LMNTD1: variants seen among roughly 807,000 people sequenced by gnomAD.
LMNTD1 encodes lamin tail domain-containing protein 1.
Under a neutral mutation model 50.9 loss-of-function variants are expected in LMNTD1, and 35 were observed. That is an observed-to-expected ratio of 0.69 (90% CI 0.53 to 0.91). The LOEUF (loss-of-function observed/expected upper bound fraction) is 0.91, where lower values mean the gene tolerates loss of function less well. Ranked by LOEUF, LMNTD1 falls within the 40% of genes least tolerant of loss-of-function variation. The probability of loss-of-function intolerance (pLI) is 0.00; values close to 1 mark genes in which losing one functional copy is unlikely to be tolerated. For missense variants in LMNTD1, 470 were observed against 475.5 expected, an observed-to-expected ratio of 0.99 and a Z score of 0.11; for synonymous variants, 153 against 161.9, an observed-to-expected ratio of 0.94 and a Z score of 0.42.
chr12:25,526,454 A>G (rs1404438375), intron 5 of LMNTD1, among the ~76,000 whole-genome samples: 1 of 152,170 alleles, frequency 6.6e-6, no homozygotes, highest in Non-Finnish European at 1.5e-5. Flanking sequence ...CTAAGCAAAT[A>G]ATCTCTTTGC....
intron 9 of LMNTD1, among the ~76,000 whole-genome samples, chr12:25,498,698 T>C (rs905579250): frequency 7.2e-5 from 11 of 152,226 alleles, no homozygotes; most frequent in African/African-American, 2.2e-4. Flanking sequence ...ACAAATACTT[T>C]AACTTGTCCA....
chr12:25,558,987 C>CT (rs566972849), intron 1 of LMNTD1, among the ~76,000 whole-genome samples: 23 of 148,872 alleles, frequency 1.5e-4, no homozygotes, highest in South Asian at 6.5e-4. Flanking sequence ...TTGAGACAGT[C>CT]TTTTTTTTTA....
At chr12:25,596,712 T>C (rs554871130) in intron 1 of LMNTD1, among the ~76,000 whole-genome samples, 1 of 151,898 alleles carries the variant, frequency 6.6e-6, no homozygotes, top group East Asian at 1.9e-4. Context: ...CAAAAAGAAA[T>C]CATCTGAAGA....
chr12:25,579,024 C>A (rs753838181), intron 1 of LMNTD1, among the ~76,000 whole-genome samples: 1 of 152,136 alleles, frequency 6.6e-6, no homozygotes, highest in Non-Finnish European at 1.5e-5. Flanking sequence ...GATAGCATTA[C>A]GCTCAGAAAA....
At chr12:25,530,093 AG>A (rs1942114780) in intron 4 of LMNTD1, among the ~76,000 whole-genome samples, 1 of 152,188 alleles carries the variant, frequency 6.6e-6, no homozygotes. Context: ...CCCTGATTAT[AG>A]TGCAGTTGCA....
chr12:25,513,712 T>G (rs745676538), intron 8 of LMNTD1, among the ~76,000 whole-genome samples: 1 of 152,092 alleles, frequency 6.6e-6, no homozygotes, highest in Non-Finnish European at 1.5e-5. Context: ...TTCAGAAAAT[T>G]TGTTGAAACA....
chr12:25,631,884 A>G (rs1485949512), intron 1 of LMNTD1, among the ~76,000 whole-genome samples: 2 of 152,228 alleles, frequency 1.3e-5, no homozygotes, highest in Non-Finnish European at 2.9e-5. Context: ...AGCCCAATCT[A>G]AGGAAACCCC....
intron 1 of LMNTD1, among the ~76,000 whole-genome samples, chr12:25,558,630 G>A (rs565270943): frequency 3.9e-5 from 6 of 152,314 alleles, no homozygotes; most frequent in Non-Finnish European, 8.8e-5. Context: ...AAGAAAAGAC[G>A]TTTAATGGCC....
chr12:25,567,037 C>G (rs1182431277), intron 1 of LMNTD1, among the ~76,000 whole-genome samples: 1 of 152,292 alleles, frequency 6.6e-6, no homozygotes, highest in African/African-American at 2.4e-5. Context: ...CCAACTTTCA[C>G]TAGGAACAGA....
Position 25,606,929 on chromosome 12 carries a change from C to T in LMNTD1, c.58+41565G>A, listed in dbSNP as rs549652538. Among the ~76,000 whole-genome samples, 318 of 152,250 alleles carry T rather than the reference C, an allele frequency of 2.1e-3. 1 individual carries two copies. Among genetic ancestry groups the T allele is most frequent in the African/African-American group, 7.3e-3 (305 of 41,542 alleles). ...ACGGTATCAGCTCCTCTTTGTACCT[C>T]TGGTAGAATTCGGCTGTGAATCTGT... On this transcript the variant is annotated intron_variant, in intron 1 of 7. Coordinates refer to the LMNTD1 transcript ENST00000445693.
intron 1 of LMNTD1, among the ~76,000 whole-genome samples, chr12:25,639,533 C>T (rs1224127985): frequency 3.3e-5 from 5 of 151,970 alleles, no homozygotes; most frequent in Non-Finnish European, 4.4e-5. Context: ...AAAAGATATA[C>T]GAATAACCAA....
chr12:25,589,538 G>T (rs1945635660), intron 1 of LMNTD1, among the ~76,000 whole-genome samples: 1 of 152,050 alleles, frequency 6.6e-6, no homozygotes, highest in South Asian at 2.1e-4. Context: ...TTCTTAAGCT[G>T]GGTGGTAGGC....
chr12:25,636,059 T>C (rs1946826283), intron 1 of LMNTD1, among the ~76,000 whole-genome samples: 1 of 152,136 alleles, frequency 6.6e-6, no homozygotes, highest in African/African-American at 2.4e-5. Flanking sequence ...CAACCCCTTC[T>C]AGACATTGGC....
chr12:25,549,133 T>C (rs1215559304), intron 3 of LMNTD1, among the ~76,000 whole-genome samples, 193 bp downstream of exon 3: 3 of 152,048 alleles, frequency 2.0e-5, no homozygotes, highest in Non-Finnish European at 4.4e-5. Flanking sequence ...TGCATGTATG[T>C]GGCCTGAATT....
chr12:25,625,047 T>C (rs1946558073), intron 1 of LMNTD1, among the ~76,000 whole-genome samples: 1 of 152,168 alleles, frequency 6.6e-6, no homozygotes, highest in Non-Finnish European at 1.5e-5. Flanking sequence ...CATTCACACA[T>C]ATACCAGACA....
intron 1 of LMNTD1, among the ~76,000 whole-genome samples, chr12:25,576,406 C>G (rs1565495034): frequency 6.6e-6 from 1 of 152,198 alleles, no homozygotes; most frequent in African/African-American, 2.4e-5. Flanking sequence ...GATGGTATCT[C>G]ATTGTGGTTT....
At chr12:25,622,032 T>C (rs1322002027) in intron 1 of LMNTD1, among the ~76,000 whole-genome samples, 3 of 152,190 alleles carry the variant, frequency 2.0e-5, no homozygotes. Context: ...ATGAGAAATA[T>C]TTAAATTCTA....
chr12:25,497,359 C>T (rs1416239023), intron 9 of LMNTD1, among the ~76,000 whole-genome samples: 1 of 152,040 alleles, frequency 6.6e-6, no homozygotes, highest in Admixed American at 6.6e-5. Context: ...GCAGAGGATC[C>T]CTGTTTCTCC....
chr12:25,520,839 T>TA, intron 6 of LMNTD1, among the ~76,000 whole-genome samples: 1 of 152,220 alleles, frequency 6.6e-6, no homozygotes, highest in Non-Finnish European at 1.5e-5. Context: ...GGGGTTCCCT[T>TA]TTCTCCATAC....
Sources: gnomAD v4.1 joint callset for allele counts (sites outside exome capture counted in the v4.1 genomes callset) on GRCh38, gnomAD v4.1.1 for gene constraint, MANE v1.5 for transcripts, NCBI Gene and HGNC (gene_info 2026-07-23, HGNC 2026-07-21) for gene names.